The following OSBPL3 variants were observed in gnomAD, a reference collection of about 807,000 sequenced individuals.
OSBPL3 encodes the protein oxysterol binding protein like 3.
In OSBPL3, 65 loss-of-function variants were observed where a neutral mutation model predicts 120.1. That is an observed-to-expected ratio of 0.54 (90% confidence interval 0.44 to 0.67). The LOEUF is 0.67. Among genes scored for constraint, OSBPL3 ranks in the 30% least tolerant of loss-of-function variants. OSBPL3 has a pLI of 0.00. For synonymous variants in OSBPL3, 416 were observed against 402.6 expected (o/e 1.03, Z -0.40); for missense variants, 1,004 against 1,082.1 (o/e 0.93, Z 1.01).
rs1801502207 is a variant in OSBPL3, at chr7:24,867,533, C to T, written c.382-1296G>A. 1.3e-5 allele frequency among the ~76,000 whole-genome samples: 2 copies of T among 152,140 alleles called. No individual in the cohort carries two copies. The highest frequency in any genetic ancestry group is 4.2e-4 in the South Asian group (2 of 4,816). On this transcript the variant is annotated intron_variant, in intron 5 of 22. Coordinates refer to ENST00000313367, the MANE Select transcript of OSBPL3 (RefSeq NM_015550.4). The surrounding 1 kb of genome is among the most constrained non-coding windows in gnomAD (Gnocchi z 4.5). ...TGGTGGTGCGTGGGTCTCGCAAGAT[C>T]TGGTGGTATTATAAAGTGGTGTTTC...
intron 2 of OSBPL3, 53 bp downstream of exon 2, chr7:24,892,324 C>T: frequency 6.3e-7 from 1 of 1,586,678 alleles, no homozygotes; most frequent in South Asian, 1.1e-5. Flanking sequence ...TTTTAACCAG[C>T]AAACTTGATG....
At position 24,932,814 on chromosome 7, in the gene OSBPL3, T is replaced by C. The variant is rs77409999; in HGVS notation, c.-149-40193A>G. On this transcript the variant is annotated intron_variant, in intron 1 of 22. Coordinates refer to ENST00000313367, the MANE Select transcript of OSBPL3 (RefSeq NM_015550.4). This position sits in a 1 kb window ranked among gnomAD's most constrained non-coding sequence, Gnocchi z 5.6. ...CAGGGGCAAAGACCAAACTGCCTTA[T>C]ATTCAAGCATTTGAAATGTTGGGCA... is the stretch of plus-strand genomic sequence containing the variant. 9.4e-3 allele frequency among the ~76,000 whole-genome samples: 1,435 copies of C among 152,376 alleles called. 27 individuals carry two copies. Among genetic ancestry groups the C allele is most frequent in the African/African-American group, 0.033 (1,385 of 41,594 alleles).
rs1816613492 is a variant in OSBPL3 at position 24,968,302 on chromosome 7, G to A, written c.-150+11584C>T. Among the ~76,000 whole-genome samples the A allele has an allele frequency of 6.6e-6, 1 of 152,174 alleles. No individual in the cohort carries two copies. Among genetic ancestry groups the A allele is most frequent in the Non-Finnish European group, 1.5e-5 (1 of 68,024 alleles). On this transcript the variant is annotated intron_variant, in intron 1 of 22. Coordinates refer to ENST00000313367, the MANE Select transcript of OSBPL3 (RefSeq NM_015550.4). The surrounding 1 kb of genome is among the most constrained non-coding windows in gnomAD (Gnocchi z 4.6). The stretch of plus-strand genomic sequence containing the variant: ...GGTGTAAATACTCCCACTGTGGCTG[G>A]CTTCAAACTACCAACATGAAGTAAT...
chr7:24,823,772 C>T (rs887525015), intron 16 of OSBPL3, among the ~76,000 whole-genome samples: 3 of 152,158 alleles, frequency 2.0e-5, no homozygotes, highest in African/African-American at 7.2e-5. Context: ...GGATGCTGGC[C>T]AACTTGAAAA....
At chr7:24,837,444 T>A (rs1338149496) in intron 14 of OSBPL3, among the ~76,000 whole-genome samples, 1 of 152,086 alleles carries the variant, frequency 6.6e-6, no homozygotes, top group Non-Finnish European at 1.5e-5. Flanking sequence ...CCTAAAGCAA[T>A]CCTCCTGCCT....
In OSBPL3 at chr7:24,912,902, T is replaced by C. The variant is rs1460097562; in HGVS notation, c.-149-20281A>G. Reference sequence around the variant, plus strand: ...CTGCATTAGAAATGGCAATGTAACTTCCACTTGTCCTGTTGTCTCAGGGTG... The same window carrying C: ...CTGCATTAGAAATGGCAATGTAACTCCCACTTGTCCTGTTGTCTCAGGGTG... On this transcript the variant is annotated intron_variant, in intron 1 of 22. Coordinates refer to ENST00000313367, the MANE Select transcript of OSBPL3 (RefSeq NM_015550.4). The surrounding 1 kb of genome is among the most constrained non-coding windows in gnomAD (Gnocchi z 4.5). Among the ~76,000 whole-genome samples, 1 of 152,190 alleles carries C rather than the reference T, an allele frequency of 6.6e-6. No homozygotes were observed. The highest frequency in any genetic ancestry group is 1.5e-5 in the Non-Finnish European group (1 of 68,036).
intron 2 of OSBPL3, among the ~76,000 whole-genome samples, chr7:24,880,321 T>A (rs1307917839): frequency 6.6e-6 from 1 of 152,132 alleles, no homozygotes; most frequent in Non-Finnish European, 1.5e-5. Context: ...CAGCTGAGTG[T>A]CCACTGTGGA....
Position 24,972,576 on chromosome 7 carries a change from C to T in OSBPL3, c.-150+7310G>A, listed in dbSNP as rs1017367815. Among the ~76,000 whole-genome samples, 8 of 152,164 alleles carry T rather than the reference C, an allele frequency of 5.3e-5. No homozygotes were observed. The South Asian group carries it at 1.7e-3, about 32-fold the overall frequency. On this transcript the variant is annotated intron_variant, in intron 1 of 22. Coordinates refer to ENST00000313367, the MANE Select transcript of OSBPL3 (RefSeq NM_015550.4). This position sits in a 1 kb window ranked among gnomAD's most constrained non-coding sequence, Gnocchi z 4.3. ...CAATTCATCGCCACATCCCCTGCAC[C>T]CAGCCTGGTGTCTGGCACATGGCAT...
chr7:24,861,160 A>G (rs192309377), intron 10 of OSBPL3, among the ~76,000 whole-genome samples: 1 of 152,296 alleles, frequency 6.6e-6, no homozygotes, highest in East Asian at 1.9e-4. Flanking sequence ...TTTAATCTGC[A>G]TTTTCCTAAT....
rs917119175 is a variant in OSBPL3, at chr7:24,891,412, T to C, written c.96+965A>G. On this transcript the variant is annotated intron_variant, in intron 2 of 22. Coordinates refer to ENST00000313367, the MANE Select transcript of OSBPL3 (RefSeq NM_015550.4). This position sits in a 1 kb window ranked among gnomAD's most constrained non-coding sequence, Gnocchi z 4.1. ...TGGACAGACCCCTGATGATGTGTCA[T>C]AAACGTGTAGACGTGACTGAGGTGG... 2.0e-5 allele frequency among the ~76,000 whole-genome samples: 3 copies of C among 152,158 alleles called. No homozygotes were observed. The highest frequency in any genetic ancestry group is 2.9e-5 in the Non-Finnish European group (2 of 68,018).
Position 24,938,134 on chromosome 7 carries a change from A to C in OSBPL3, c.-150+41752T>G, listed in dbSNP as rs1200588966. Among the ~76,000 whole-genome samples, 1 of 152,232 alleles carries C rather than the reference A, an allele frequency of 6.6e-6. No homozygotes were observed. Among genetic ancestry groups the C allele is most frequent in the Non-Finnish European group, 1.5e-5 (1 of 68,044 alleles). ...CGCCAAAACTGGTATGTTGAAACCTAATCACCAACCTGATGGTATTAGGAG... is the reference window on the plus strand; with the variant it reads ...CGCCAAAACTGGTATGTTGAAACCTCATCACCAACCTGATGGTATTAGGAG... On this transcript the variant is annotated intron_variant, in intron 1 of 22. Transcript: ENST00000313367. This position sits in a 1 kb window ranked among gnomAD's most constrained non-coding sequence, Gnocchi z 5.8.
chr7:24,908,226 G>A (rs1470533555), intron 1 of OSBPL3, among the ~76,000 whole-genome samples: 1 of 152,168 alleles, frequency 6.6e-6, no homozygotes, highest in African/African-American at 2.4e-5. Context: ...TTCCTTGTTG[G>A]CTCAGAAAGA....
rs1299725239 is a variant in OSBPL3 at position 24,873,875 on chromosome 7, TC to T, written c.97-1807del. Among the ~76,000 whole-genome samples the T allele has an allele frequency of 6.6e-6, 1 of 152,200 alleles. No individual in the cohort carries two copies. Among genetic ancestry groups the T allele is most frequent in the Non-Finnish European group, 1.5e-5 (1 of 68,018 alleles). On this transcript the variant is annotated intron_variant, in intron 2 of 22. Coordinates refer to ENST00000313367, the MANE Select transcript of OSBPL3 (RefSeq NM_015550.4). This position sits in a 1 kb window ranked among gnomAD's most constrained non-coding sequence, Gnocchi z 4.1. ...AAATTCCACCTCAAATTTCACCTCC[TC>T]CAGTGGAAAATACCATTTCATCCTT... is the stretch of plus-strand genomic sequence containing the variant.
rs1796228513 is a variant in OSBPL3 at position 24,830,451 on chromosome 7, T to C, written c.1884+317A>G. 6.6e-6 allele frequency among the ~76,000 whole-genome samples: 1 copy of C among 152,226 alleles called. No individual in the cohort carries two copies. The highest frequency in any genetic ancestry group is 2.4e-5 in the African/African-American group (1 of 41,462). On this transcript the variant is annotated intron_variant, in intron 16 of 22. Transcript: ENST00000313367. The surrounding 1 kb of genome is among the most constrained non-coding windows in gnomAD (Gnocchi z 4.4). The stretch of plus-strand genomic sequence containing the variant: ...GATGTCAGTGTGTTAGGGAGCAATG[T>C]TAAACCTCTAAATTGAAGTTTGGGC...
At chr7:24,800,803 G>C (rs192794121) in intron 22 of OSBPL3, among the ~76,000 whole-genome samples, 1 of 152,200 alleles carries the variant, frequency 6.6e-6, no homozygotes, top group Non-Finnish European at 1.5e-5. Flanking sequence ...GCTATGAAAA[G>C]TGGTGCTTCT....
intron 1 of OSBPL3, chr7:24,917,866 GCAGCAACAACAAAACCTGAACCT>G (rs897090324): frequency 6.5e-6 from 1 of 153,160 alleles, no homozygotes; most frequent in African/African-American, 2.4e-5. Flanking sequence ...AACAACAAAA[GCAGCAACAACAAAACCTGAACCT>G]GTTAACTTGG....
At chr7:24,843,617 A>C (rs2128208449) in intron 12 of OSBPL3, among the ~76,000 whole-genome samples, 1 of 152,316 alleles carries the variant, frequency 6.6e-6, no homozygotes, top group Non-Finnish European at 1.5e-5. Context: ...TCAGTTTATT[A>C]ATATGTATCT....
rs112156808 is a variant in OSBPL3, at chr7:24,901,408, T to C, written c.-149-8787A>G. On this transcript the variant is annotated intron_variant, in intron 1 of 22. Transcript: ENST00000313367. ...GACAGATCTAACCTGCTAAGATGCA[T>C]TCCCTTATCCTGATTAAGAGCCATG... Among the ~76,000 whole-genome samples, 801 of 152,012 alleles carry C rather than the reference T, an allele frequency of 5.3e-3. 7 individuals are homozygous for C. The highest frequency in any genetic ancestry group is 0.018 in the African/African-American group (765 of 41,428).
In OSBPL3 at chr7:24,819,150, G is replaced by A. The variant is rs1794815357; in HGVS notation, c.1948+1025C>T. Among the ~76,000 whole-genome samples the A allele has an allele frequency of 6.6e-6, 1 of 151,942 alleles. No individual in the cohort carries two copies. Among genetic ancestry groups the A allele is most frequent in the South Asian group, 2.1e-4 (1 of 4,806 alleles). On this transcript the variant is annotated intron_variant, in intron 17 of 22. Coordinates refer to ENST00000313367, the MANE Select transcript of OSBPL3 (RefSeq NM_015550.4). This position sits in a 1 kb window ranked among gnomAD's most constrained non-coding sequence, Gnocchi z 4.1. ...TGCCTGTAGTCCCAGCTACTCGGGA[G>A]GCTGAGACAGGAGAATCACTTGAAC...
Sources: allele counts gnomAD v4.1 joint callset (sites outside exome capture counted in the v4.1 genomes callset), GRCh38; gene constraint gnomAD v4.1.1; non-coding constraint Gnocchi (gnomAD v3.1); transcripts MANE v1.5; gene names NCBI Gene and HGNC (gene_info 2026-07-23, HGNC 2026-07-21).